Variants in SCNN1D observed in about 807,000 individuals in gnomAD.
SCNN1D encodes sodium channel epithelial 1 subunit delta.
A neutral mutation model predicts 87.8 loss-of-function variants in SCNN1D; 104 were observed. That is an observed-to-expected ratio of 1.18 (90% CI 1.01 to 1.39). The LOEUF is 1.39. SCNN1D is among the 40% of genes most tolerant of loss of function. The probability of loss-of-function intolerance (pLI) is 0.00; values close to 1 mark genes in which losing one functional copy is unlikely to be tolerated. For synonymous variants in SCNN1D, 628 were observed against 481.2 expected, an observed-to-expected ratio of 1.31 and a Z score of -3.99; for missense variants, 1,324 against 1,093.9, an observed-to-expected ratio of 1.21 and a Z score of -2.97.
intron 12 of SCNN1D, 52 bp downstream of exon 12, chr1:1,288,089 G>C (rs1435562967): frequency 2.3e-6 from 3 of 1,289,648 alleles, no homozygotes; most frequent in South Asian, 2.8e-5. Context: ...GGGCTGGCCA[G>C]GGGGTGTGGG....
chr1:1,288,260 TGTCTCTGCTCCGTCCCCCG>T (rs1640663668), intron 12 of SCNN1D, among the ~76,000 whole-genome samples: 1 of 111,774 alleles, frequency 8.9e-6, no homozygotes, highest in East Asian at 3.7e-4. Context: ...CTCCGTCCCG[TGTCTCTGCTCCGTCCCCCG>T]AGTCTCTGCT....
Position 1,287,248 on chromosome 1 carries a change from A to G in SCNN1D, c.1259A>G (p.Asp420Gly), listed in dbSNP as rs1369342910. 3.1e-6 allele frequency: 5 copies of G among 1,610,796 alleles called. No homozygotes were observed. Among genetic ancestry groups the G allele is most frequent in the Admixed American group, 3.3e-5 (2 of 59,822 alleles). Residue 420 changes from aspartate to glycine, a missense_variant, in exon 9 of 18, where the codon GAC becomes GGC. Asp to Gly is a moderately conservative substitution (Grantham distance 94, BLOSUM62 -1). Transcript: ENST00000379116. ...AAWEDSHGSQ[D>G]GHFVLSCSYD... is the part of the protein sequence containing the mutation. ...TGGGAGGACAGCCACGGGAGCCAGG[A>G]CGGCCACTTCGTCCTCTCCTGCAGT...
chr1:1,285,760 G>C (rs1362771405), intron 6 of SCNN1D, 96 bp downstream of exon 6: 1 of 1,228,650 alleles, frequency 8.1e-7, no homozygotes, highest in African/African-American at 1.5e-5. Context: ...TCAGGGACGG[G>C]TGTATCCGGG....
Position 1,286,243 on chromosome 1 carries a change from C to A in SCNN1D, c.876C>A (p.Leu292=). 6.3e-7 allele frequency: 1 copy of A among 1,592,714 alleles called. No homozygotes were observed. Among genetic ancestry groups the A allele is most frequent in the East Asian group, 2.3e-5 (1 of 44,372 alleles). Residue 292 remains leucine, a synonymous_variant, in exon 7 of 18, where the codon CTC becomes CTA. Transcript: ENST00000379116. ...AVSVHSERKL[L]PLVTLCDGNP... ...CTGTGCACTCGGAGCGCAAGCTGCT[C>A]CCGCTGGTCACCCTGTGTGACGGGA...
At chr1:1,288,251 T>TCCGTCCCCCGTGTCTCTGCC (rs1640662231) in intron 12 of SCNN1D, among the ~76,000 whole-genome samples, 1 of 107,208 alleles carries the variant, frequency 9.3e-6, no homozygotes, top group Admixed American at 9.1e-5. Context: ...GTGTCTCTGC[T>TCCGTCCCCCGTGTCTCTGCC]CCGTCCCGTG....
intron 4 of SCNN1D, 62 bp from the exon 5 acceptor site, chr1:1,283,916 C>G (rs1036636209): frequency 1.0e-6 from 1 of 972,002 alleles, no homozygotes; most frequent in Admixed American, 4.2e-5. Context: ...GTGTGGCTGC[C>G]CTGGCTGGGT....
intron 4 of SCNN1D, among the ~76,000 whole-genome samples, chr1:1,283,396 C>A (rs1443597733): frequency 6.6e-6 from 1 of 152,110 alleles, no homozygotes; most frequent in African/African-American, 2.4e-5. Flanking sequence ...CAGGAGCTGG[C>A]AGAGAAAGAT....
intron 5 of SCNN1D, among the ~76,000 whole-genome samples, chr1:1,284,437 A>C (rs1640543348): frequency 6.6e-6 from 1 of 151,452 alleles, no homozygotes; most frequent in African/African-American, 2.4e-5. Context: ...CATGGTGGCA[A>C]TGGGGCAGGT....
intron 3 of SCNN1D, 103 bp from the exon 4 acceptor site, chr1:1,282,139 G>A (rs1266846088): frequency 4.2e-6 from 3 of 716,774 alleles, no homozygotes; most frequent in East Asian, 5.4e-5. Context: ...CGCGAGCTTG[G>A]AGAGGCACCC....
At position 1,290,917 on chromosome 1, in the gene SCNN1D, G is replaced by C; in HGVS notation, c.1940G>C (p.Gly647Ala). Residue 647 changes from glycine to alanine, a missense_variant, in exon 16 of 18, where the codon GGT (glycine) becomes GCT (alanine). Coordinates refer to ENST00000379116, the MANE Select transcript of SCNN1D (RefSeq NM_001130413.4). ...CAGGGATGGACTCTGGCCACGCTAG[G>C]TGAACAGGGGCTGCCGCATCAGAGC... ...KSAGWTLATLGEQGLPHQSHR... is the reference protein window; with the variant it reads ...KSAGWTLATLAEQGLPHQSHR... The C allele has an allele frequency of 6.2e-7, 1 of 1,610,088 alleles. No homozygotes were observed. The highest frequency in any genetic ancestry group is 8.5e-7 in the Non-Finnish European group (1 of 1,178,930).
chr1:1,282,434 G>A (rs1640488143), intron 4 of SCNN1D, 119 bp downstream of exon 4: 1 of 1,202,788 alleles, frequency 8.3e-7, no homozygotes, highest in African/African-American at 1.5e-5. Flanking sequence ...GGAACACAGA[G>A]CCTACCCTTC....
At position 1,290,260 on chromosome 1, in the gene SCNN1D, CCT is replaced by C. The variant is rs779858183; in HGVS notation, c.1663-10_1663-9del. ...CCATCCCATGTCCCTGCTCATCCCC[CCT>C]GTCCCCAGGCCTGCCTGGTGTCCTG... On this transcript the variant is annotated splice_polypyrimidine_tract_variant and intron_variant, in intron 12 of 17. Transcript: ENST00000379116. The C allele has an allele frequency of 1.1e-5, 17 of 1,544,766 alleles. No individual in the cohort carries two copies. The highest frequency in any genetic ancestry group is 1.4e-5 in the African/African-American group (1 of 72,988).
At position 1,283,985 on chromosome 1, in the gene SCNN1D, G is replaced by C. The variant is rs756883513; in HGVS notation, c.359G>C (p.Arg120Thr). The change falls in exon 5 of 18, where the codon AGA (arginine) becomes ACA (threonine). Residue 120 changes from arginine (R) to threonine (T), a missense_variant. Transcript: ENST00000379116. Reference sequence around the variant, plus strand: ...CCAGCCTGTTTTAAATAGGAGGCCAGAGGCTCCATCCTGCTTCAGAGCTGC... The same window carrying C: ...CCAGCCTGTTTTAAATAGGAGGCCACAGGCTCCATCCTGCTTCAGAGCTGC... Reference protein sequence around the residue: ...AASFQSRQEARGSILLQSCQL... With the variant: ...AASFQSRQEATGSILLQSCQL... 2 of 1,457,222 alleles carry C rather than the reference G, an allele frequency of 1.4e-6. No individual in the cohort carries two copies. The highest frequency in any genetic ancestry group is 1.5e-5 in the African/African-American group (1 of 64,560). The allele number at this position is 1,457,222 out of a possible 1,614,324, so 90.3% of individuals were successfully genotyped here.
Position 1,290,802 on chromosome 1 carries a change from G to A in SCNN1D, c.1918-93G>A, listed in dbSNP as rs766895652. 8.7e-4 allele frequency: 1,371 copies of A among 1,578,428 alleles called. 2 individuals carry two copies. The highest frequency in any genetic ancestry group is 1.1e-3 in the Non-Finnish European group (1,326 of 1,154,118). On this transcript the variant is annotated intron_variant, in intron 15 of 17. Transcript: ENST00000379116. ...CAGGGCCGGAACTGACCCAGCCTAT[G>A]CCCCGTGGTCTCTGCCCCCACATCC...
rs1557587359 is a variant in SCNN1D, at chr1:1,290,652, GCTCTCCACTGGGAC to G, written c.1879_1892del (p.Ser627GlnfsTer17). 5 of 1,612,660 alleles carry G rather than the reference GCTCTCCACTGGGAC, an allele frequency of 3.1e-6. No homozygotes were observed. Among genetic ancestry groups the G allele is most frequent in the Non-Finnish European group, 4.2e-6 (5 of 1,179,944 alleles). On this transcript the variant is annotated frameshift_variant, in exon 15 of 18. Transcript: ENST00000379116. LOFTEE classifies it high-confidence loss of function. Reference sequence around the variant, plus strand: ...TCTCTTCCAGGGAGTCTGCATTCAAGCTCTCCACTGGGACCTCCAGGTGGCCTTCCGCCAAGTCA... The same window carrying G: ...TCTCTTCCAGGGAGTCTGCATTCAAGCTCCAGGTGGCCTTCCGCCAAGTCA...
rs756471885 is a variant in SCNN1D, at chr1:1,286,093, C to T, written c.726C>T (p.Ser242=). Residue 242 remains serine, a synonymous_variant, in exon 7 of 18, where the codon TCC becomes TCT. Coordinates refer to ENST00000379116, the MANE Select transcript of SCNN1D (RefSeq NM_001130413.4). ...TIHGAIRLVC[S]RGNRLKTTSW... ...ACGGCGCCATCCGCCTGGTCTGCTCCCGCGGGAACCGCCTCAAGACGACGT... is the reference window on the plus strand; with the variant it reads ...ACGGCGCCATCCGCCTGGTCTGCTCTCGCGGGAACCGCCTCAAGACGACGT... The T allele has an allele frequency of 6.2e-7, 1 of 1,608,660 alleles. No homozygotes were observed. Among genetic ancestry groups the T allele is most frequent in the South Asian group, 1.1e-5 (1 of 90,308 alleles).
In SCNN1D at chr1:1,287,313, G is replaced by A; in HGVS notation, c.1310+14G>A. 1 of 1,564,382 alleles carries A rather than the reference G, an allele frequency of 6.4e-7. No homozygotes were observed. Among genetic ancestry groups the A allele is most frequent in the Non-Finnish European group, 8.7e-7 (1 of 1,152,744 alleles). On this transcript the variant is annotated intron_variant, in intron 9 of 17. Coordinates refer to ENST00000379116, the MANE Select transcript of SCNN1D (RefSeq NM_001130413.4). ...CTGCCAGGCCCGGTGAGTGTGGCGG[G>A]CGGGGGCCACTCCTTCCGTCCCACC...
intron 12 of SCNN1D, 63 bp downstream of exon 12, chr1:1,288,100 C>CAGGTGAGGCT (rs1640647267): frequency 2.3e-5 from 4 of 174,032 alleles, no homozygotes; most frequent in African/African-American, 1.3e-4. Flanking sequence ...GGGGTGTGGG[C>CAGGTGAGGCT]GGGTGGAACG....
At chr1:1,281,739 T>C in intron 3 of SCNN1D, 129 bp downstream of exon 3, 2 of 843,660 alleles carry the variant, frequency 2.4e-6, no homozygotes, top group Non-Finnish European at 3.6e-6. Context: ...ATGGAAGGGG[T>C]GCTCTGCCCC....
Sources: gnomAD v4.1 joint callset for allele counts (sites outside exome capture counted in the v4.1 genomes callset) on GRCh38, gnomAD v4.1.1 for gene constraint, MANE v1.5 for transcripts, NCBI Gene and HGNC (gene_info 2026-07-23, HGNC 2026-07-21) for gene names.